Variants in KHDRBS2 observed in about 807,000 individuals in gnomAD.
The protein encoded by KHDRBS2 is KH domain-containing, RNA-binding, signal transduction-associated protein 2.
A neutral mutation model predicts 44.3 loss-of-function variants in KHDRBS2; 26 were observed. The ratio of observed to expected loss-of-function variants is 0.59; its 90% CI spans 0.43 to 0.81. The LOEUF is 0.81. Ranked by LOEUF, KHDRBS2 falls within the 40% of genes least tolerant of loss-of-function variation. The pLI is 0.00. For synonymous variants in KHDRBS2, 194 were observed against 151.1 expected (o/e 1.28, Z -2.08); for missense variants, 476 against 433.1 (o/e 1.10, Z -0.88).
intron 1 of KHDRBS2, among the ~76,000 whole-genome samples, chr6:62,252,519 A>C (rs1836721795): frequency 6.6e-6 from 1 of 151,902 alleles, no homozygotes; most frequent in Non-Finnish European, 1.5e-5. Context: ...CCAACCAAAC[A>C]GATTATGTAC....
chr6:62,088,852 G>A (rs528213384), intron 2 of KHDRBS2, among the ~76,000 whole-genome samples: 1 of 152,166 alleles, frequency 6.6e-6, no homozygotes, highest in Non-Finnish European at 1.5e-5. Flanking sequence ...TCTGTCCCGG[G>A]TAGATGGGAG....
At chr6:61,698,451 C>T (rs1768169868) in intron 7 of KHDRBS2, among the ~76,000 whole-genome samples, 1 of 152,120 alleles carries the variant, frequency 6.6e-6, no homozygotes, top group South Asian at 2.1e-4. Context: ...ATATCCACAG[C>T]TATCACTGAG....
At chr6:62,043,895 A>T (rs1278548170) in intron 3 of KHDRBS2, among the ~76,000 whole-genome samples, 1 of 152,060 alleles carries the variant, frequency 6.6e-6, no homozygotes, top group Non-Finnish European at 1.5e-5. Flanking sequence ...TGAGTTTGTC[A>T]TTCTATCTAC....
intron 1 of KHDRBS2, among the ~76,000 whole-genome samples, chr6:62,234,525 A>C (rs1833399523): frequency 6.6e-6 from 1 of 152,118 alleles, no homozygotes; most frequent in South Asian, 2.1e-4. Context: ...TTGGAGCTTA[A>C]AAAATAAACA....
chr6:62,260,957 G>A (rs2150181567), intron 1 of KHDRBS2, among the ~76,000 whole-genome samples: 1 of 151,810 alleles, frequency 6.6e-6, no homozygotes, highest in South Asian at 2.1e-4. Flanking sequence ...CTTTTTCAGG[G>A]ATATCTGAGA....
chr6:61,777,310 T>A lies in KHDRBS2; in HGVS notation c.811-44546A>T, dbSNP rs551142623. On this transcript the variant is annotated intron_variant, in intron 6 of 8. Transcript: ENST00000281156. ...TAATAATAATAAAATATAAAAAAAA[T>A]TCCACTGGGTCTAACAAAATACAAA... Among the ~76,000 whole-genome samples the A allele has an allele frequency of 1.3e-3, 192 of 152,012 alleles. 1 individual carries two copies. Among genetic ancestry groups the A allele is most frequent in the African/African-American group, 3.5e-3 (146 of 41,490 alleles).
chr6:62,004,707 C>CA (rs1562623837), intron 3 of KHDRBS2, among the ~76,000 whole-genome samples: 1 of 151,910 alleles, frequency 6.6e-6, no homozygotes, highest in Admixed American at 6.6e-5. Context: ...GGCACAACAA[C>CA]AAAAAAAGAG....
chr6:61,955,729 T>C (rs1583768154), intron 4 of KHDRBS2, among the ~76,000 whole-genome samples: 1 of 94,258 alleles, frequency 1.1e-5, no homozygotes, highest in Non-Finnish European at 2.2e-5. Flanking sequence ...TATACATATA[T>C]AGACAGAGAG....
At chr6:61,973,833 A>T (rs1771934127) in intron 4 of KHDRBS2, among the ~76,000 whole-genome samples, 1 of 152,206 alleles carries the variant, frequency 6.6e-6, no homozygotes, top group Non-Finnish European at 1.5e-5. Context: ...GCTGTGCAGC[A>T]TGCTGTGTTG....
chr6:62,143,852 A>G (rs1813372589), intron 2 of KHDRBS2, among the ~76,000 whole-genome samples: 3 of 151,936 alleles, frequency 2.0e-5, no homozygotes, highest in African/African-American at 7.2e-5. Flanking sequence ...TACTTCTGAC[A>G]TAAGTGTTGG....
chr6:61,725,775 C>T (rs1181589786), intron 7 of KHDRBS2, among the ~76,000 whole-genome samples: 8 of 151,960 alleles, frequency 5.3e-5, no homozygotes, highest in East Asian at 1.9e-4. Flanking sequence ...AGACTAATAA[C>T]GAGTTCTGAA....
chr6:61,547,602 A>G, the KHDRBS2 span, among the ~76,000 whole-genome samples: 1 of 152,102 alleles, frequency 6.6e-6, no homozygotes, highest in Non-Finnish European at 1.5e-5. Context: ...GCTTTGGTAG[A>G]GCAGTGACTC....
chr6:62,240,834 T>A (rs1312081197), intron 1 of KHDRBS2, among the ~76,000 whole-genome samples: 1 of 151,048 alleles, frequency 6.6e-6, no homozygotes, highest in Non-Finnish European at 1.5e-5. Flanking sequence ...CATCATAGAT[T>A]TAATTCATTT....
chr6:61,616,404 G>A, the KHDRBS2 span, among the ~76,000 whole-genome samples: 16 of 151,342 alleles, frequency 1.1e-4, no homozygotes, highest in Middle Eastern at 6.9e-3. Context: ...AATGAAATGG[G>A]ATGACCCTAT....
intron 2 of KHDRBS2, among the ~76,000 whole-genome samples, chr6:62,159,621 C>G (rs1282915865): frequency 6.6e-6 from 1 of 152,018 alleles, no homozygotes. Context: ...GTTGAAAATC[C>G]ACATATAACT....
chr6:62,044,003 C>A (rs1787122474), intron 3 of KHDRBS2, among the ~76,000 whole-genome samples: 1 of 151,922 alleles, frequency 6.6e-6, no homozygotes, highest in African/African-American at 2.4e-5. Context: ...TGACTCATGT[C>A]TAATACTTTT....
intron 1 of KHDRBS2, among the ~76,000 whole-genome samples, chr6:62,225,778 A>C (rs1311245353): frequency 6.6e-6 from 1 of 151,634 alleles, no homozygotes; most frequent in South Asian, 2.1e-4. Flanking sequence ...ATGAGTGAGA[A>C]CATGCAGTGT....
At chr6:62,162,850 T>G (rs1163884273) in intron 2 of KHDRBS2, among the ~76,000 whole-genome samples, 2 of 152,018 alleles carry the variant, frequency 1.3e-5, no homozygotes, top group Admixed American at 6.6e-5. Context: ...CCATGGTTTT[T>G]GACATGACCA....
At chr6:61,596,962 C>T in the KHDRBS2 span, among the ~76,000 whole-genome samples, 1 of 152,040 alleles carries the variant, frequency 6.6e-6, no homozygotes, top group Non-Finnish European at 1.5e-5. Flanking sequence ...ATTTGTACTT[C>T]CAAAGGGATG....
Sources: gnomAD v4.1 joint callset for allele counts (sites outside exome capture counted in the v4.1 genomes callset) on GRCh38, gnomAD v4.1.1 for gene constraint, MANE v1.5 for transcripts, NCBI Gene and HGNC (gene_info 2026-07-23, HGNC 2026-07-21) for gene names.